AGBL4: variants seen among roughly 807,000 people sequenced by gnomAD.
AGBL4 encodes the protein AGBL carboxypeptidase 4.
AGBL4 carries 58 observed loss-of-function variants against 66.4 expected under a neutral mutation model. That is an observed-to-expected ratio of 0.87 (90% confidence interval 0.71 to 1.09). AGBL4 has a LOEUF of 1.09. Among genes scored for constraint, AGBL4 ranks in the 50% least tolerant of loss-of-function variants. AGBL4 has a pLI of 0.00. For synonymous variants in AGBL4, 234 were observed against 222.9 expected, an observed-to-expected ratio of 1.05 and a Z score of -0.44; for missense variants, 579 against 631.0, an observed-to-expected ratio of 0.92 and a Z score of 0.88.
chr1:49,021,301 T>C (rs1214159538), intron 5 of AGBL4, among the ~76,000 whole-genome samples: 1 of 152,110 alleles, frequency 6.6e-6, no homozygotes, highest in Non-Finnish European at 1.5e-5. Context: ...GAGGAAATGA[T>C]CACATGAATT....
intron 4 of AGBL4, among the ~76,000 whole-genome samples, chr1:49,227,594 T>C (rs113722544): frequency 3.3e-5 from 5 of 152,204 alleles, no homozygotes; most frequent in Non-Finnish European, 7.3e-5. Context: ...CTCTGTACTA[T>C]AAAGAAGCCT....
At chr1:49,198,616 G>A (rs1050814191) in intron 4 of AGBL4, among the ~76,000 whole-genome samples, 66 of 152,148 alleles carry the variant, frequency 4.3e-4, no homozygotes, top group African/African-American at 1.3e-3. Flanking sequence ...CTAGGATTAC[G>A]GGCGTGAAGC....
At chr1:49,901,392 CCAA>C (rs1197781093) in intron 1 of AGBL4, among the ~76,000 whole-genome samples, 1 of 152,112 alleles carries the variant, frequency 6.6e-6, no homozygotes, top group African/African-American at 2.4e-5. Flanking sequence ...TTCCTATACA[CCAA>C]CAACATCCAA....
chr1:49,057,584 T>G (rs1644329900), intron 4 of AGBL4, among the ~76,000 whole-genome samples: 1 of 152,196 alleles, frequency 6.6e-6, no homozygotes, highest in Admixed American at 6.5e-5. Context: ...TTTGAACACT[T>G]TTCCTTCCAT....
At position 48,853,982 on chromosome 1, in the gene AGBL4, G is replaced by A. The variant is rs1570837433; in HGVS notation, c.634+13209C>T. On this transcript the variant is annotated intron_variant, in intron 6 of 13. Transcript: ENST00000371839. Reference sequence around the variant, plus strand: ...AACCTCATTGTGCAGAAGGCCTGGTGTTATCAACAGAGCTCCTGTTCATAG... The same window carrying A: ...AACCTCATTGTGCAGAAGGCCTGGTATTATCAACAGAGCTCCTGTTCATAG... 4.6e-5 allele frequency among the ~76,000 whole-genome samples: 7 copies of A among 152,146 alleles called. No homozygotes were observed. In the South Asian group the frequency reaches 1.4e-3, roughly 32 times the overall value.
At chr1:49,548,654 G>C (rs1336104393) in intron 3 of AGBL4, among the ~76,000 whole-genome samples, 1 of 152,098 alleles carries the variant, frequency 6.6e-6, no homozygotes, top group Non-Finnish European at 1.5e-5. Context: ...TTATCTTTTT[G>C]ATATGTTGTT....
intron 4 of AGBL4, among the ~76,000 whole-genome samples, chr1:49,067,488 A>G (rs1408813784): frequency 6.6e-6 from 1 of 152,090 alleles, no homozygotes; most frequent in Non-Finnish European, 1.5e-5. Context: ...TAATACACCA[A>G]GTTTATTCCT....
At chr1:49,221,171 A>G (rs1310239741) in intron 4 of AGBL4, among the ~76,000 whole-genome samples, 1 of 152,100 alleles carries the variant, frequency 6.6e-6, no homozygotes, top group African/African-American at 2.4e-5. Context: ...ATATGGCATA[A>G]AGGGCAAACA....
At chr1:48,813,117 A>T (rs1356488314) in intron 6 of AGBL4, among the ~76,000 whole-genome samples, 2 of 152,038 alleles carry the variant, frequency 1.3e-5, no homozygotes, top group Middle Eastern at 6.8e-3. Flanking sequence ...TAATAATAAT[A>T]AAAAAAATGG....
intron 4 of AGBL4, among the ~76,000 whole-genome samples, chr1:49,069,415 G>A (rs1396840231): frequency 1.3e-5 from 2 of 150,158 alleles, no homozygotes; most frequent in Non-Finnish European, 2.9e-5. Context: ...TATATAAGGT[G>A]TAAGGAAGGG....
At chr1:48,734,059 C>CAGGGA (rs949612527) in intron 6 of AGBL4, among the ~76,000 whole-genome samples, 5 of 152,196 alleles carry the variant, frequency 3.3e-5, no homozygotes, top group Non-Finnish European at 7.3e-5. Context: ...CAGGGCAGGG[C>CAGGGA]AGGGCTGCAT....
At chr1:49,394,852 C>T (rs1032046244) in intron 3 of AGBL4, among the ~76,000 whole-genome samples, 12 of 152,114 alleles carry the variant, frequency 7.9e-5, no homozygotes, top group African/African-American at 2.9e-4. Flanking sequence ...CCCAGTTGAT[C>T]CTGGACCCAC....
chr1:48,693,283 G>A (rs1025109848), intron 6 of AGBL4, among the ~76,000 whole-genome samples: 3 of 152,174 alleles, frequency 2.0e-5, no homozygotes, highest in African/African-American at 7.2e-5. Flanking sequence ...ATTTGCACAG[G>A]AAAGATATTT....
Position 49,399,181 on chromosome 1 carries a change from TTC to T in AGBL4, c.283-153319_283-153318del, listed in dbSNP as rs1406390023. On this transcript the variant is annotated intron_variant, in intron 3 of 13. Transcript: ENST00000371839. ...ATGTTGTTGCAAATTACAAGTTTCA[TTC>T]TTTTTATGGCTGAATAGTACTCCAT... Among the ~76,000 whole-genome samples the T allele has an allele frequency of 3.3e-5, 5 of 152,192 alleles. No individual in the cohort carries two copies. The South Asian group carries it at 6.2e-4, about 19-fold the overall frequency.
At chr1:48,723,173 A>C (rs1382809785) in intron 6 of AGBL4, among the ~76,000 whole-genome samples, 1 of 152,246 alleles carries the variant, frequency 6.6e-6, no homozygotes, top group Non-Finnish European at 1.5e-5. Flanking sequence ...GAGATATGAC[A>C]GCCACCTTCA....
chr1:49,396,715 C>T (rs912230539), intron 3 of AGBL4, among the ~76,000 whole-genome samples: 6 of 152,150 alleles, frequency 3.9e-5, no homozygotes, highest in Non-Finnish European at 5.9e-5. Context: ...ATGTAAATCA[C>T]TTCCTGATCC....
At position 49,302,211 on chromosome 1, in the gene AGBL4, G is replaced by T. The variant is rs1306407009; in HGVS notation, c.283-56347C>A. Among the ~76,000 whole-genome samples, 3 of 150,666 alleles carry T rather than the reference G, an allele frequency of 2.0e-5. No homozygotes were observed. The East Asian group carries it at 5.8e-4, about 29-fold the overall frequency. On this transcript the variant is annotated intron_variant, in intron 3 of 13. Coordinates refer to ENST00000371839, the MANE Select transcript of AGBL4 (RefSeq NM_032785.4). ...TATTGTCATTAAAAAAAAAACTCTT[G>T]AAATTAATGAACAATTATGTTTTTC...
At chr1:49,570,500 G>T (rs1162775479) in intron 3 of AGBL4, among the ~76,000 whole-genome samples, 1 of 151,956 alleles carries the variant, frequency 6.6e-6, no homozygotes, top group South Asian at 2.1e-4. Flanking sequence ...TCCTCTGTTA[G>T]ATGCATTATT....
intron 1 of AGBL4, among the ~76,000 whole-genome samples, chr1:49,948,096 A>ATG (rs539337897): frequency 0.03 from 2,617 of 87,712 alleles, 97 homozygotes; most frequent in East Asian, 0.29. Context: ...ATATATGTAT[A>ATG]TGTATATATA....
Sources: allele counts gnomAD v4.1 joint callset (sites outside exome capture counted in the v4.1 genomes callset), GRCh38; gene constraint gnomAD v4.1.1; transcripts MANE v1.5; gene names NCBI Gene and HGNC (gene_info 2026-07-23, HGNC 2026-07-21).